TLK1: variants seen among roughly 807,000 people sequenced by gnomAD.
TLK1 encodes the protein tousled like kinase 1, also known as serine/threonine-protein kinase tousled-like 1.
In TLK1, 24 loss-of-function variants were observed where a neutral mutation model predicts 105.3. The ratio of observed to expected loss-of-function variants is 0.23; its 90% CI spans 0.17 to 0.32. The LOEUF is 0.32. Ranked by LOEUF, TLK1 falls within the 10% of genes least tolerant of loss-of-function variation. TLK1 has a pLI of 1.00. For missense variants in TLK1, 558 were observed against 910.5 expected (o/e 0.61, Z 4.98); for synonymous variants, 321 against 310.4 (o/e 1.03, Z -0.36).
chr2:171,101,365 A>AAAAAAAG (rs1324905569), intron 2 of TLK1, among the ~76,000 whole-genome samples: 6 of 149,266 alleles, frequency 4.0e-5, no homozygotes, highest in African/African-American at 7.5e-5. Context: ...AAAAAAAAAA[A>AAAAAAAG]GCCAGGCACA....
At chr2:171,111,672 T>C (rs879423724) in intron 2 of TLK1, among the ~76,000 whole-genome samples, 3 of 151,570 alleles carry the variant, frequency 2.0e-5, no homozygotes, top group Admixed American at 1.3e-4. Flanking sequence ...CTCATGAACA[T>C]TTCCTATCAT....
intron 1 of TLK1, among the ~76,000 whole-genome samples, chr2:171,194,692 C>T (rs999492839): frequency 1.3e-5 from 2 of 148,906 alleles, no homozygotes; most frequent in Non-Finnish European, 3.0e-5. Flanking sequence ...TAGCGGGCGC[C>T]TGTAGTCCCA....
At chr2:171,026,782 G>C (rs538352834) in intron 12 of TLK1, among the ~76,000 whole-genome samples, 2 of 151,886 alleles carry the variant, frequency 1.3e-5, no homozygotes, top group Non-Finnish European at 2.9e-5. Context: ...TTCCCTTTTC[G>C]CTTCCATAGT....
At chr2:171,129,959 C>T (rs1262786730) in intron 1 of TLK1, among the ~76,000 whole-genome samples, 1 of 152,104 alleles carries the variant, frequency 6.6e-6, no homozygotes, top group Non-Finnish European at 1.5e-5. Context: ...ATCATCTTTA[C>T]CATATCCTCG....
At position 171,083,254 on chromosome 2, in the gene TLK1, C is replaced by T. The variant is rs138796793; in HGVS notation, c.259-402G>A. Among the ~76,000 whole-genome samples, 522 of 152,226 alleles carry T rather than the reference C, an allele frequency of 3.4e-3. 6 individuals are homozygous for T. Among genetic ancestry groups the T allele is most frequent in the African/African-American group, 0.012 (488 of 41,552 alleles). ...AGGTCCCTTCACAATTATCAAATTC[C>T]ATCATGTCTGAAACACACCTCTTTG... is the stretch of plus-strand genomic sequence containing the variant. On this transcript the variant is annotated intron_variant, in intron 2 of 20. Transcript: ENST00000431350.
At chr2:171,196,675 C>T (rs1450645922) in intron 1 of TLK1, among the ~76,000 whole-genome samples, 1 of 152,050 alleles carries the variant, frequency 6.6e-6, no homozygotes, top group East Asian at 1.9e-4. Flanking sequence ...TCAATGGGCT[C>T]TAAAAACTAA....
At chr2:171,062,652 A>G (rs1214744678) in intron 3 of TLK1, among the ~76,000 whole-genome samples, 1 of 152,226 alleles carries the variant, frequency 6.6e-6, no homozygotes, top group Non-Finnish European at 1.5e-5. Flanking sequence ...ACTCAAGGTA[A>G]CACTACCAGT....
At chr2:171,223,988 C>T (rs1693854773) in intron 1 of TLK1, among the ~76,000 whole-genome samples, 1 of 151,940 alleles carries the variant, frequency 6.6e-6, no homozygotes, top group African/African-American at 2.4e-5. Context: ...GCTTTTGTTG[C>T]CTGTGCTTTT....
At position 170,993,882 on chromosome 2, in the gene TLK1, G is replaced by A. The variant is rs752057090; in HGVS notation, c.2199C>T (p.Tyr733=). Residue 733 remains tyrosine (Y), a synonymous_variant, in exon 21 of 21, where the codon TAC becomes TAT. Coordinates refer to ENST00000431350, the MANE Select transcript of TLK1 (RefSeq NM_012290.5). ...TTGATCTTCTCATGTGTGGGAGAAG[G>A]TATGGGTCATTTGCCAGCTGGTGCA... is the stretch of plus-strand genomic sequence containing the variant. ...FDVHQLANDP[Y]LLPHMRRSNS... 2.5e-6 allele frequency: 4 copies of A among 1,612,650 alleles called. No homozygotes were observed. Among genetic ancestry groups the A allele is most frequent in the Non-Finnish European group, 2.5e-6 (3 of 1,179,400 alleles).
intron 2 of TLK1, among the ~76,000 whole-genome samples, chr2:171,115,907 AT>A (rs1422076996): frequency 6.6e-6 from 1 of 152,222 alleles, no homozygotes; most frequent in African/African-American, 2.4e-5. Context: ...GTGAGCCAAA[AT>A]TTACCTGATA....
intron 2 of TLK1, among the ~76,000 whole-genome samples, chr2:171,107,555 A>G (rs574190511): frequency 6.6e-6 from 1 of 152,308 alleles, no homozygotes; most frequent in Non-Finnish European, 1.5e-5. Flanking sequence ...GTTCCTAAGC[A>G]CCATTCTTCA....
At chr2:171,100,860 A>T (rs529246743) in intron 2 of TLK1, among the ~76,000 whole-genome samples, 1,948 of 152,310 alleles carry the variant, frequency 0.013, 33 homozygotes, top group African/African-American at 0.041. Flanking sequence ...TCTACAAAAA[A>T]TTTCTAAGAG....
intron 5 of TLK1, among the ~76,000 whole-genome samples, chr2:171,057,402 G>T (rs1687553021): frequency 6.6e-6 from 1 of 151,976 alleles, no homozygotes; most frequent in African/African-American, 2.4e-5. Flanking sequence ...TTAGCACATA[G>T]TAGGCATTCA....
At position 171,160,432 on chromosome 2, in the gene TLK1, G is replaced by C; in HGVS notation, c.-4C>G. 1 of 1,593,986 alleles carries C rather than the reference G, an allele frequency of 6.3e-7. No individual in the cohort carries two copies. The highest frequency in any genetic ancestry group is 1.4e-5 in the African/African-American group (1 of 73,244). ...CACTGCTACTTTGGACACTCATCAAGCTACTTTCTGGGAACCCGACTCCCC... is the reference window on the plus strand; with the variant it reads ...CACTGCTACTTTGGACACTCATCAACCTACTTTCTGGGAACCCGACTCCCC... On this transcript the variant is annotated 5_prime_UTR_variant, in exon 1 of 21. Coordinates refer to ENST00000431350, the MANE Select transcript of TLK1 (RefSeq NM_012290.5). This position sits in a 1 kb window ranked among gnomAD's most constrained non-coding sequence, Gnocchi z 4.4.
intron 1 of TLK1, among the ~76,000 whole-genome samples, chr2:171,187,070 A>G (rs1456284940): frequency 1.6e-5 from 2 of 122,264 alleles, no homozygotes; most frequent in African/African-American, 3.6e-5. Context: ...AAAAAAAAAA[A>G]AAAAAAAAAA....
Position 171,228,352 on chromosome 2 carries a change from G to A in TLK1, c.-6+2793C>T, listed in dbSNP as rs1693937293. On this transcript the variant is annotated intron_variant, in intron 1 of 20. Coordinates refer to the TLK1 transcript ENST00000521943. ...GAGGATCACCTAAGGCTAGGAATTAGAGACCAGCCTGAGCAACACTGAAAG... is the reference window on the plus strand; with the variant it reads ...GAGGATCACCTAAGGCTAGGAATTAAAGACCAGCCTGAGCAACACTGAAAG... 2.0e-5 allele frequency among the ~76,000 whole-genome samples: 3 copies of A among 152,302 alleles called. No homozygotes were observed. The South Asian group carries it at 6.2e-4, about 32-fold the overall frequency.
chr2:171,114,600 C>T (rs548149061), intron 2 of TLK1, among the ~76,000 whole-genome samples: 2 of 152,190 alleles, frequency 1.3e-5, no homozygotes, highest in East Asian at 1.9e-4. Context: ...TTTGGGAGGC[C>T]GAGGTGGGCA....
intron 8 of TLK1, among the ~76,000 whole-genome samples, chr2:171,052,203 T>C (rs1687273494): frequency 6.6e-6 from 1 of 151,978 alleles, no homozygotes; most frequent in African/African-American, 2.4e-5. Flanking sequence ...GAGGCTACAG[T>C]GAGCTATGAT....
intron 1 of TLK1, among the ~76,000 whole-genome samples, chr2:171,178,943 G>T (rs1479676887): frequency 2.0e-5 from 3 of 152,208 alleles, no homozygotes; most frequent in Non-Finnish European, 2.9e-5. Context: ...ATAATTCAGT[G>T]CATTTTTGGT....
Sources: gnomAD v4.1 joint callset for allele counts (sites outside exome capture counted in the v4.1 genomes callset) on GRCh38, gnomAD v4.1.1 for gene constraint, Gnocchi (gnomAD v3.1) non-coding constraint, MANE v1.5 for transcripts, NCBI Gene and HGNC (gene_info 2026-07-23, HGNC 2026-07-21) for gene names.